PPM1F: variants seen among roughly 807,000 people sequenced by gnomAD.
PPM1F encodes the protein protein phosphatase, Mg2+/Mn2+ dependent 1F, also known as protein phosphatase 1F.
In PPM1F, 17 loss-of-function variants were observed where a neutral mutation model predicts 35.5. That is an observed-to-expected ratio of 0.48 (90% CI 0.33 to 0.72). PPM1F has a LOEUF of 0.72. PPM1F is among the 30% of genes least tolerant of loss of function. PPM1F has a pLI of 0.02. For missense variants in PPM1F, 521 were observed against 613.0 expected (o/e 0.85, Z 1.59); for synonymous variants, 241 against 255.5 (o/e 0.94, Z 0.54).
Position 21,923,301 on chromosome 22 carries a change from C to T in PPM1F, c.1156G>A (p.Gly386Arg), listed in dbSNP as rs764002847. Residue 386 changes from glycine (G) to arginine (R), a missense_variant, in exon 8 of 8, where the codon GGG (glycine) becomes AGG (arginine). This residue lies in a region of PPM1F where 163 missense variants were observed against 169.6 expected (regional missense o/e 0.96). Transcript: ENST00000263212. The stretch of plus-strand genomic sequence containing the variant: ...ACCAGCTCCTCGGCGACACGGAGCC[C>T]GCTGCCCTGCTGCCTGGTCAGGTGG... ...QSHLTRQQGS[G>R]LRVAEELVAA... 10 of 1,613,432 alleles carry T rather than the reference C, an allele frequency of 6.2e-6. No individual in the cohort carries two copies. The highest frequency in any genetic ancestry group is 5.5e-5 in the South Asian group (5 of 91,066).
intron 3 of PPM1F, chr22:21,938,292 C>G (rs1024794548): frequency 7.9e-7 from 1 of 1,262,204 alleles, no homozygotes; most frequent in Non-Finnish European, 1.0e-6. Flanking sequence ...TTGGTGGGGC[C>G]GCAGAGCGGA....
intron 1 of PPM1F, chr22:21,947,726 C>A (rs116662037): frequency 1.3e-5 from 2 of 152,084 alleles, no homozygotes; most frequent in Non-Finnish European, 2.9e-5. Flanking sequence ...GCTAAAAGGG[C>A]GGCTGTGGCA....
intron 6 of PPM1F, chr22:21,925,896 C>A (rs1419779594): frequency 2.2e-6 from 1 of 444,608 alleles, no homozygotes. Flanking sequence ...ATGAACGGAC[C>A]ACCTGAGGCC....
rs1487472647 is a variant in PPM1F at position 21,931,245 on chromosome 22, G to A, written c.794C>T (p.Ala265Val). Residue 265 changes from alanine to valine, a missense_variant, in exon 6 of 8, where the codon GCG becomes GTG. Around this residue, in one of 3 missense-constraint regions of PPM1F, gnomAD observed 47 missense variants for 92.0 expected, o/e 0.51. Transcript: ENST00000263212. ...CCCGAGCCAGGCGACGTGCAGGGTC[G>A]CTCCTGCAATGAGCGCACACACACC... is the stretch of plus-strand genomic sequence containing the variant. ...TTGVCALIAG[A>V]TLHVAWLGDS... The A allele has an allele frequency of 9.9e-6, 16 of 1,613,682 alleles. No homozygotes were observed. The highest frequency in any genetic ancestry group is 6.7e-5 in the East Asian group (3 of 44,894).
At chr22:21,934,281 C>T (rs2070632439) in intron 3 of PPM1F, 55 bp from the exon 4 acceptor site, 36 of 1,468,084 alleles carry the variant, frequency 2.5e-5, no homozygotes, top group Non-Finnish European at 3.2e-5. Flanking sequence ...CCAGCTGAGG[C>T]CTCGCTGGCT....
chr22:21,946,043 G>A lies in PPM1F; in HGVS notation c.6C>T (p.Ser2=), dbSNP rs1384981789. ...GGCTGCTCTTCTGTGGGGCTCCAGA[G>A]GACATGCCCAAAGCATCCCGGGGGC... is the stretch of plus-strand genomic sequence containing the variant. M[S]SGAPQKSSPM... is the part of the protein sequence containing the mutation. The change falls in exon 2 of 8, where the codon TCC becomes TCT. Residue 2 remains serine (S), a synonymous_variant. Coordinates refer to ENST00000263212, the MANE Select transcript of PPM1F (RefSeq NM_014634.4). The A allele has an allele frequency of 1.3e-6, 2 of 1,530,462 alleles. No homozygotes were observed. Among genetic ancestry groups the A allele is most frequent in the Non-Finnish European group, 1.8e-6 (2 of 1,136,014 alleles). 94.8% of individuals were successfully genotyped at this position (1,530,462 alleles called of 1,614,324 possible).
chr22:21,931,488 A>C (rs2070589864), intron 5 of PPM1F, among the ~76,000 whole-genome samples, 197 bp from the exon 6 acceptor site: 1 of 151,964 alleles, frequency 6.6e-6, no homozygotes, highest in African/African-American at 2.4e-5. Context: ...TGTCAATTGT[A>C]TCTCAATAAA....
chr22:21,928,781 C>T (rs1295989275), intron 6 of PPM1F, among the ~76,000 whole-genome samples: 4 of 152,188 alleles, frequency 2.6e-5, no homozygotes, highest in African/African-American at 9.7e-5. Context: ...CCCTTTCCTC[C>T]TGGTCTCTCC....
rs2070431978 is a variant in PPM1F, at chr22:21,920,242, C to G, written c.*2850G>C. 6.5e-6 allele frequency: 1 copy of G among 152,720 alleles called. No individual in the cohort carries two copies. The highest frequency in any genetic ancestry group is 2.4e-5 in the African/African-American group (1 of 41,444). 9.5% of individuals were successfully genotyped at this position (152,720 alleles called of 1,614,324 possible). The stretch of plus-strand genomic sequence containing the variant: ...CAGGACACGCCGGCTCACCTGCACC[C>G]ACAGCGTTCTAGGAGGTCGCGGCCT... On this transcript the variant is annotated 3_prime_UTR_variant, in exon 8 of 8. Coordinates refer to ENST00000263212, the MANE Select transcript of PPM1F (RefSeq NM_014634.4).
chr22:21,930,835 G>A lies in PPM1F; in HGVS notation c.891+313C>T, dbSNP rs116816198. Among the ~76,000 whole-genome samples, 1,222 of 152,272 alleles carry A rather than the reference G, an allele frequency of 8.0e-3. 24 individuals are homozygous for A. The highest frequency in any genetic ancestry group is 0.028 in the African/African-American group (1,163 of 41,552). On this transcript the variant is annotated intron_variant, in intron 6 of 7. Coordinates refer to ENST00000263212, the MANE Select transcript of PPM1F (RefSeq NM_014634.4). ...CTGAGGCCTTCCTCACCCACAGCCT[G>A]TGGCCTCCTTGTCCGTGTGTATGAT...
At chr22:21,933,632 G>A (rs1375207066) in intron 4 of PPM1F, 53 bp from the exon 5 acceptor site, 1 of 1,527,992 alleles carries the variant, frequency 6.5e-7, no homozygotes, top group African/African-American at 1.4e-5. Flanking sequence ...GGTGCTCCCA[G>A]TGGGGCGTGG....
intron 7 of PPM1F, among the ~76,000 whole-genome samples, chr22:21,923,834 T>C (rs1227674475): frequency 2.0e-5 from 3 of 150,802 alleles, no homozygotes; most frequent in Non-Finnish European, 3.0e-5. Context: ...CGCGCCACCA[T>C]GCCCAGCTAA....
chr22:21,929,513 C>G (rs867762083), intron 6 of PPM1F, among the ~76,000 whole-genome samples: 3 of 152,224 alleles, frequency 2.0e-5, no homozygotes, highest in South Asian at 4.1e-4. Context: ...AGTGTTTGAA[C>G]AGAGCCCCCA....
chr22:21,936,162 T>C (rs1292405361), intron 3 of PPM1F: 1 of 152,182 alleles, frequency 6.6e-6, no homozygotes, highest in Non-Finnish European at 1.5e-5. Flanking sequence ...GAGGGAGACC[T>C]GGTCTCTTAA....
At chr22:21,928,204 C>T (rs993549007) in intron 6 of PPM1F, among the ~76,000 whole-genome samples, 1 of 152,158 alleles carries the variant, frequency 6.6e-6, no homozygotes, top group Non-Finnish European at 1.5e-5. Context: ...CTGTGAACAG[C>T]CATTTCCTGC....
chr22:21,923,163 C>G lies in PPM1F; in HGVS notation c.1294G>C (p.Ala432Pro). Residue 432 changes from alanine to proline, a missense_variant, in exon 8 of 8, where the codon GCA becomes CCA. By Grantham distance (27) the Ala-to-Pro change is conservative (BLOSUM62 -1). This residue lies in a region of PPM1F where 163 missense variants were observed against 169.6 expected (regional missense o/e 0.96). Coordinates refer to ENST00000263212, the MANE Select transcript of PPM1F (RefSeq NM_014634.4). The part of the protein sequence containing the change: ...GGNQGEGDPQ[A>P]EGRRQDLPSS... ...GGCAAGTCCTGCCTCCTCCCTTCTG[C>G]CTGGGGGTCCCCTTCTCCCTGGTTC... is the stretch of plus-strand genomic sequence containing the variant. 1.2e-6 allele frequency: 2 copies of G among 1,613,724 alleles called. No individual in the cohort carries two copies. The highest frequency in any genetic ancestry group is 1.7e-6 in the Non-Finnish European group (2 of 1,179,972).
intron 5 of PPM1F, among the ~76,000 whole-genome samples, 175 bp downstream of exon 5, chr22:21,933,216 T>C (rs530595440): frequency 4.6e-4 from 70 of 152,328 alleles, no homozygotes; most frequent in African/African-American, 1.7e-3. Flanking sequence ...GCAGGCTTTG[T>C]GCTGCTTCCG....
chr22:21,942,814 T>A (rs944633362), intron 2 of PPM1F: 1 of 152,358 alleles, frequency 6.6e-6, no homozygotes, highest in East Asian at 1.9e-4. Context: ...ACCATGCAGA[T>A]CCACCCTGAT....
Position 21,925,598 on chromosome 22 carries a change from T to C in PPM1F, c.956A>G (p.Asn319Ser), listed in dbSNP as rs746999477. The C allele has an allele frequency of 1.9e-6, 3 of 1,613,666 alleles. No individual in the cohort carries two copies. Among genetic ancestry groups the C allele is most frequent in the Non-Finnish European group, 2.5e-6 (3 of 1,179,702 alleles). The change falls in exon 7 of 8, where the codon AAC becomes AGC. Residue 319 changes from asparagine to serine, a missense_variant. By Grantham distance (46) the Asn-to-Ser change is conservative (BLOSUM62 1). Around this residue, in one of 3 missense-constraint regions of PPM1F, gnomAD observed 47 missense variants for 92.0 expected, o/e 0.51. Coordinates refer to ENST00000263212, the MANE Select transcript of PPM1F (RefSeq NM_014634.4). ...GGCTCTGGAGACGGCCAGGGTCCCG[T>C]TGACTCTCCAGCAGTCCATGTGAGA... is the stretch of plus-strand genomic sequence containing the variant. The part of the protein sequence containing the change: ...FVSHMDCWRV[N>S]GTLAVSRAIG...
Sources: gnomAD v4.1 joint callset for allele counts (sites outside exome capture counted in the v4.1 genomes callset) on GRCh38, gnomAD v4.1.1 for gene constraint, gnomAD v4.1.1 regional missense constraint, MANE v1.5 for transcripts, NCBI Gene and HGNC (gene_info 2026-07-23, HGNC 2026-07-21) for gene names.